The following EXOC6 variants were observed in gnomAD, a reference collection of about 807,000 sequenced individuals.
EXOC6 encodes SEC15-like 1.
In EXOC6, 60 loss-of-function variants were observed where a neutral mutation model predicts 112.5. The observed-to-expected ratio is 0.53, with a 90% confidence interval of 0.43 to 0.66. The LOEUF is 0.66. Ranked by LOEUF, EXOC6 falls within the 30% of genes least tolerant of loss-of-function variation. The pLI, the probability that EXOC6 is intolerant of heterozygous loss-of-function variation, is 0.00. For synonymous variants in EXOC6, 295 were observed against 308.0 expected (o/e 0.96, Z 0.44); for missense variants, 855 against 957.1 (o/e 0.89, Z 1.41).
chr10:92,842,404 A>C (rs1846890653), intron 1 of EXOC6, among the ~76,000 whole-genome samples: 1 of 150,734 alleles, frequency 6.6e-6, no homozygotes, highest in African/African-American at 2.4e-5. Context: ...AGATTTAGGG[A>C]TGCTAATATC....
rs377293199 is a variant in EXOC6 at position 92,934,283 on chromosome 10, A to G, written c.1020-27A>G. 5.0e-4 allele frequency: 788 copies of G among 1,562,632 alleles called. 8 individuals are homozygous for G. In the South Asian group the frequency reaches 6.2e-3, roughly 12 times the overall value. ...TTCTATTAGGGTTTTTTTTTTTAAC[A>G]CATGCTTTGGTAATTACTGTTTTTA... On this transcript the variant is annotated intron_variant, in intron 10 of 21. Coordinates refer to ENST00000260762, the MANE Select transcript of EXOC6 (RefSeq NM_019053.6).
At chr10:92,950,411 A>G (rs1034566067) in intron 14 of EXOC6, among the ~76,000 whole-genome samples, 1 of 152,150 alleles carries the variant, frequency 6.6e-6, no homozygotes, top group Non-Finnish European at 1.5e-5. Context: ...ATAAGAACAT[A>G]TTTATATTCT....
intron 17 of EXOC6, among the ~76,000 whole-genome samples, chr10:92,971,278 C>G (rs376535291): frequency 6.6e-6 from 1 of 152,120 alleles, no homozygotes; most frequent in African/African-American, 2.4e-5. Context: ...TCTCCTGACC[C>G]CGTGATTCAC....
intron 18 of EXOC6, among the ~76,000 whole-genome samples, chr10:92,981,950 T>C (rs1190899438): frequency 1.3e-5 from 2 of 152,086 alleles, no homozygotes; most frequent in South Asian, 2.1e-4. Context: ...ACTCCGTCTG[T>C]ACTAAAAATA....
At chr10:93,053,178 A>G (rs1846382036) in intron 20 of EXOC6, among the ~76,000 whole-genome samples, 1 of 151,990 alleles carries the variant, frequency 6.6e-6, no homozygotes, top group Admixed American at 6.6e-5. Context: ...CCCCTTTTCT[A>G]CCCATCACAC....
At chr10:92,961,920 G>T (rs1044819613) in intron 17 of EXOC6, among the ~76,000 whole-genome samples, 1 of 151,814 alleles carries the variant, frequency 6.6e-6, no homozygotes. Context: ...ACACTTTTGA[G>T]GTACAAAAGC....
intron 1 of EXOC6, among the ~76,000 whole-genome samples, chr10:92,890,506 A>G (rs1009609048): frequency 6.6e-6 from 1 of 152,224 alleles, no homozygotes; most frequent in African/African-American, 2.4e-5. Context: ...CTATGTCCTC[A>G]TGCAACTTAC....
At chr10:92,838,658 A>G (rs1846738052) in intron 1 of EXOC6, among the ~76,000 whole-genome samples, 1 of 152,218 alleles carries the variant, frequency 6.6e-6, no homozygotes, top group Admixed American at 6.5e-5. Flanking sequence ...ACGGTGGAAA[A>G]GTAGAATTTG....
chr10:92,923,229 G>A (rs1461426989), intron 8 of EXOC6, among the ~76,000 whole-genome samples: 1 of 152,140 alleles, frequency 6.6e-6, no homozygotes, highest in Non-Finnish European at 1.5e-5. Context: ...GGTACCCTTG[G>A]TTGGCTTCCT....
chr10:92,960,826 G>A (rs1423734327), intron 17 of EXOC6, among the ~76,000 whole-genome samples: 2 of 152,030 alleles, frequency 1.3e-5, no homozygotes, highest in Admixed American at 1.3e-4. Flanking sequence ...AGGAGTTGGG[G>A]TATTTCATTT....
intron 7 of EXOC6, chr10:92,916,176 C>T: frequency 3.5e-6 from 1 of 288,480 alleles, no homozygotes; most frequent in South Asian, 4.5e-5. Context: ...ACTGCATCAG[C>T]CCTACAAGGA....
intron 20 of EXOC6, among the ~76,000 whole-genome samples, chr10:93,042,926 CTATTATTATTATTATTAT>C (rs146131116): frequency 2.1e-5 from 3 of 143,682 alleles, no homozygotes; most frequent in Non-Finnish European, 4.6e-5. Context: ...AGATATTTTA[CTATTATTATTATTATTAT>C]TATTATTATT....
At chr10:93,049,657 G>T (rs1214407489) in intron 20 of EXOC6, among the ~76,000 whole-genome samples, 2 of 152,138 alleles carry the variant, frequency 1.3e-5, no homozygotes, top group East Asian at 3.9e-4. Context: ...ATTGCTCACT[G>T]CAGCCTCCAC....
chr10:92,983,083 A>G (rs1842882757), intron 18 of EXOC6, among the ~76,000 whole-genome samples: 1 of 152,142 alleles, frequency 6.6e-6, no homozygotes, highest in South Asian at 2.1e-4. Flanking sequence ...AATTTTTGAG[A>G]TTTGGGTTTT....
intron 13 of EXOC6, among the ~76,000 whole-genome samples, chr10:92,946,173 G>A (rs1391869518): frequency 2.0e-5 from 3 of 152,156 alleles, no homozygotes; most frequent in African/African-American, 7.2e-5. Flanking sequence ...GCCGGCGCCT[G>A]TAGTCCCAGC....
chr10:92,861,647 C>T (rs1589718380), intron 1 of EXOC6, among the ~76,000 whole-genome samples: 1 of 152,256 alleles, frequency 6.6e-6, no homozygotes, highest in East Asian at 1.9e-4. Flanking sequence ...CCTGCCTTCT[C>T]AGCTACTGCC....
At chr10:92,938,855 ATAAC>A (rs1375159212) in intron 12 of EXOC6, among the ~76,000 whole-genome samples, 3 of 152,310 alleles carry the variant, frequency 2.0e-5, no homozygotes, top group Non-Finnish European at 4.4e-5. Flanking sequence ...AGAAGGTGGA[ATAAC>A]TAACTTAGAT....
At chr10:92,907,368 C>T (rs1413482705) in intron 5 of EXOC6, among the ~76,000 whole-genome samples, 1 of 152,134 alleles carries the variant, frequency 6.6e-6, no homozygotes. Flanking sequence ...AACCCCCTGA[C>T]CTTAACTCTC....
At chr10:92,930,374 G>A (rs748605145) in intron 9 of EXOC6, among the ~76,000 whole-genome samples, 13 of 151,884 alleles carry the variant, frequency 8.6e-5, no homozygotes, top group Admixed American at 1.3e-4. Flanking sequence ...ATAGTGGCGC[G>A]TGCCTGTAAT....
Sources: gnomAD v4.1 joint callset for allele counts (sites outside exome capture counted in the v4.1 genomes callset) on GRCh38, gnomAD v4.1.1 for gene constraint, MANE v1.5 for transcripts, NCBI Gene and HGNC (gene_info 2026-07-23, HGNC 2026-07-21) for gene names.